Variants in TENM2 observed in about 807,000 individuals in gnomAD.
TENM2 encodes teneurin-2.
TENM2 carries 52 observed loss-of-function variants against 245.2 expected under a neutral mutation model. The ratio of observed to expected loss-of-function variants is 0.21; its 90% CI spans 0.17 to 0.27. The LOEUF (loss-of-function observed/expected upper bound fraction) is 0.27. Among genes scored for constraint, TENM2 ranks in the 10% least tolerant of loss-of-function variants. The probability of loss-of-function intolerance (pLI) is 1.00; values close to 1 mark genes in which losing one functional copy is unlikely to be tolerated. For synonymous variants in TENM2, 1,363 were observed against 1,438.9 expected (o/e 0.95, Z 1.19); for missense variants, 3,046 against 3,666.8 (o/e 0.83, Z 4.37).
intron 2 of TENM2, among the ~76,000 whole-genome samples, chr5:167,682,365 G>C (rs1223811410): frequency 6.6e-6 from 1 of 151,836 alleles, no homozygotes; most frequent in African/African-American, 2.4e-5. Context: ...GTTTCACTAT[G>C]TTGGCCAGGC....
the TENM2 span, among the ~76,000 whole-genome samples, chr5:167,140,408 T>C: frequency 6.6e-6 from 1 of 152,196 alleles, no homozygotes; most frequent in African/African-American, 2.4e-5. Context: ...TTTTTTGTAC[T>C]CATTAACCAT....
intron 2 of TENM2, among the ~76,000 whole-genome samples, chr5:167,551,169 C>T (rs546601881): frequency 6.6e-6 from 1 of 152,272 alleles, no homozygotes; most frequent in East Asian, 1.9e-4. Flanking sequence ...ATGTGTACCT[C>T]CTTGTTTAGT....
At chr5:167,615,934 T>C (rs1488451735) in intron 2 of TENM2, among the ~76,000 whole-genome samples, 1 of 152,160 alleles carries the variant, frequency 6.6e-6, no homozygotes, top group East Asian at 1.9e-4. Context: ...TAGATAGAAT[T>C]TTAGCTTCCA....
chr5:168,012,601 T>C (rs188044269), intron 5 of TENM2, among the ~76,000 whole-genome samples: 5 of 146,768 alleles, frequency 3.4e-5, no homozygotes, highest in Non-Finnish European at 6.0e-5. Flanking sequence ...TGAGCCATGA[T>C]CATGCCACTG....
chr5:167,167,520 C>G, the TENM2 span, among the ~76,000 whole-genome samples: 1 of 152,168 alleles, frequency 6.6e-6, no homozygotes, highest in Non-Finnish European at 1.5e-5. Context: ...TTAGAAATGA[C>G]TTTTGCCTCT....
In TENM2 at chr5:167,509,343, A is replaced by G. The variant is rs369041877; in HGVS notation, c.502+133870A>G. Among the ~76,000 whole-genome samples, 112 of 152,320 alleles carry G rather than the reference A, an allele frequency of 7.4e-4. 1 individual carries two copies. In the Middle Eastern group the frequency reaches 0.031, roughly 42 times the overall value. On this transcript the variant is annotated intron_variant, in intron 2 of 28. Coordinates refer to ENST00000518659, the Ensembl canonical transcript of TENM2. Reference sequence around the variant, plus strand: ...GTCACTGTTGAATCAGTTTCCTCACATGGGAGATTTATTTAGAGATAGTTT... The same window carrying G: ...GTCACTGTTGAATCAGTTTCCTCACGTGGGAGATTTATTTAGAGATAGTTT...
chr5:167,181,589 T>A, the TENM2 span, among the ~76,000 whole-genome samples: 1 of 152,072 alleles, frequency 6.6e-6, no homozygotes, highest in Admixed American at 6.6e-5. Flanking sequence ...AATATTTAAA[T>A]GTGTCTGGCT....
chr5:167,699,229 G>A (rs1280550752), intron 2 of TENM2, among the ~76,000 whole-genome samples: 1 of 151,956 alleles, frequency 6.6e-6, no homozygotes, highest in East Asian at 1.9e-4. Flanking sequence ...TTAAAATTTG[G>A]AAGGATTAAT....
chr5:167,741,587 G>A (rs1761178917), intron 2 of TENM2, among the ~76,000 whole-genome samples: 1 of 152,154 alleles, frequency 6.6e-6, no homozygotes. Context: ...TCCGGGAATG[G>A]AGGCCCCTAA....
intron 2 of TENM2, among the ~76,000 whole-genome samples, chr5:167,502,783 G>C (rs1470124452): frequency 6.6e-6 from 1 of 152,146 alleles, no homozygotes; most frequent in Admixed American, 6.6e-5. Flanking sequence ...TCAGTTTCAG[G>C]TGGGGATTCA....
chr5:167,004,915 C>T, the TENM2 span, among the ~76,000 whole-genome samples: 1 of 152,076 alleles, frequency 6.6e-6, no homozygotes, highest in African/African-American at 2.4e-5. Flanking sequence ...TATTATTCAC[C>T]CAGGACTTAC....
In TENM2 at chr5:167,797,462, A is replaced by C. The variant is rs143204319; in HGVS notation, c.503-78524A>C. On this transcript the variant is annotated intron_variant, in intron 2 of 28. Coordinates refer to ENST00000518659, the Ensembl canonical transcript of TENM2. ...AAATAATGTCTTCATCAAACTACCC[A>C]TTATGGACTAATTTGAAACTGGAAG... Among the ~76,000 whole-genome samples, 48 of 152,256 alleles carry C rather than the reference A, an allele frequency of 3.2e-4. No homozygotes were observed. The East Asian group carries it at 8.5e-3, about 27-fold the overall frequency.
At chr5:167,755,617 C>T (rs889654590) in intron 2 of TENM2, among the ~76,000 whole-genome samples, 4 of 152,064 alleles carry the variant, frequency 2.6e-5, no homozygotes, top group Admixed American at 6.6e-5. Flanking sequence ...GACCTATTTG[C>T]GGTAGCTCTC....
chr5:168,155,036 C>T (rs11738571), intron 12 of TENM2, among the ~76,000 whole-genome samples: 4 of 152,316 alleles, frequency 2.6e-5, no homozygotes, highest in East Asian at 1.9e-4. Context: ...CCCGCACACA[C>T]GGGCAAGCAA....
At chr5:167,044,572 C>T in the TENM2 span, among the ~76,000 whole-genome samples, 5 of 152,074 alleles carry the variant, frequency 3.3e-5, no homozygotes. Flanking sequence ...CATCTGAGAT[C>T]ACATAGAGAG....
chr5:167,399,328 G>A (rs546610400), intron 2 of TENM2, among the ~76,000 whole-genome samples: 13 of 152,298 alleles, frequency 8.5e-5, no homozygotes, highest in African/African-American at 2.6e-4. Flanking sequence ...AGCGAGGAGC[G>A]AGCGAGAGAT....
At chr5:167,074,300 T>C in the TENM2 span, among the ~76,000 whole-genome samples, 13 of 152,342 alleles carry the variant, frequency 8.5e-5, no homozygotes, top group Non-Finnish European at 1.8e-4. Context: ...TCTTCTTTTT[T>C]TTAATTCTTG....
At chr5:167,082,353 C>T in the TENM2 span, among the ~76,000 whole-genome samples, 1 of 151,834 alleles carries the variant, frequency 6.6e-6, no homozygotes, top group Non-Finnish European at 1.5e-5. Flanking sequence ...GGTGTGATCC[C>T]GATTATTGCA....
intron 2 of TENM2, among the ~76,000 whole-genome samples, chr5:167,834,085 T>C (rs1768753572): frequency 1.3e-5 from 1 of 77,024 alleles, no homozygotes; most frequent in South Asian, 3.6e-4. Context: ...TTCTAGAAGG[T>C]GAGACAAACA....
Sources: allele counts gnomAD v4.1 joint callset (sites outside exome capture counted in the v4.1 genomes callset), GRCh38; gene constraint gnomAD v4.1.1; transcripts MANE v1.5; gene names NCBI Gene and HGNC (gene_info 2026-07-23, HGNC 2026-07-21).